ZSWIM4: variants seen among roughly 807,000 people sequenced by gnomAD.
ZSWIM4 encodes the protein zinc finger SWIM-type containing 4.
Under a neutral mutation model 102.5 loss-of-function variants are expected in ZSWIM4, and 62 were observed. That is an observed-to-expected ratio of 0.60 (90% CI 0.49 to 0.75). The LOEUF is 0.75. ZSWIM4 is among the 30% of genes least tolerant of loss of function. ZSWIM4 has a pLI of 0.00. For synonymous variants in ZSWIM4, 652 were observed against 674.5 expected, an observed-to-expected ratio of 0.97 and a Z score of 0.52; for missense variants, 1,280 against 1,529.6, an observed-to-expected ratio of 0.84 and a Z score of 2.72.
intron 7 of ZSWIM4, among the ~76,000 whole-genome samples, chr19:13,815,499 C>A (rs1023720335): frequency 3.1e-5 from 3 of 95,810 alleles, no homozygotes; most frequent in Non-Finnish European, 5.6e-5. Flanking sequence ...GAGATGGAGT[C>A]TCGGTCTTTC....
chr19:13,817,270 A>AC lies in ZSWIM4; in HGVS notation c.1591dup (p.Leu531ProfsTer96). On this transcript the variant is annotated frameshift_variant, in exon 8 of 14. Coordinates refer to ENST00000590508, the MANE Select transcript of ZSWIM4 (RefSeq NM_001367834.3). LOFTEE classifies it high-confidence loss of function. Reference sequence around the variant, plus strand: ...ACCAACACCGAAGGATGGGTGGGGCACCCCCTGGACCCCATTGGCTGCCTC... The same window carrying AC: ...ACCAACACCGAAGGATGGGTGGGGCACCCCCCTGGACCCCATTGGCTGCCTC... 2 of 1,613,686 alleles carry AC rather than the reference A, an allele frequency of 1.2e-6. No homozygotes were observed. Among genetic ancestry groups the AC allele is most frequent in the Non-Finnish European group, 1.7e-6 (2 of 1,179,808 alleles).
At chr19:13,813,920 C>CAAAAA (rs34407290) in intron 6 of ZSWIM4, among the ~76,000 whole-genome samples, 1 of 100,518 alleles carries the variant, frequency 9.9e-6, no homozygotes, top group Non-Finnish European at 2.2e-5. Flanking sequence ...GACCCTGTCT[C>CAAAAA]AAAAAAAAAA....
At position 13,795,815 on chromosome 19, in the gene ZSWIM4, A is replaced by G; in HGVS notation, c.153+14A>G. ...GCCTTCGAGCAGGTGACCGCGGGGG[A>G]AGGGGGCGGGGGCAGGGACGCACCC... On this transcript the variant is annotated intron_variant, in intron 1 of 13. Transcript: ENST00000590508. 1 of 1,241,424 alleles carries G rather than the reference A, an allele frequency of 8.1e-7. No individual in the cohort carries two copies. Among genetic ancestry groups the G allele is most frequent in the Non-Finnish European group, 1.0e-6 (1 of 990,614 alleles). The allele number at this position is 1,241,424 out of a possible 1,614,324, so 76.9% of individuals were successfully genotyped here.
At chr19:13,824,858 C>A (rs1975563680) in intron 11 of ZSWIM4, among the ~76,000 whole-genome samples, 1 of 151,938 alleles carries the variant, frequency 6.6e-6, no homozygotes, top group Admixed American at 6.6e-5. Flanking sequence ...AGGTGGGTTC[C>A]ATTGCCTGAG....
intron 5 of ZSWIM4, among the ~76,000 whole-genome samples, chr19:13,812,469 T>C (rs1975127554): frequency 6.6e-6 from 1 of 151,066 alleles, no homozygotes; most frequent in South Asian, 2.1e-4. Flanking sequence ...TTTTTTTTTT[T>C]TTTTTTTGAG....
At chr19:13,811,878 C>A (rs1203296386) in intron 5 of ZSWIM4, among the ~76,000 whole-genome samples, 1 of 151,978 alleles carries the variant, frequency 6.6e-6, no homozygotes, top group Non-Finnish European at 1.5e-5. Context: ...AGATCGAGAC[C>A]AGCTTGGCCA....
intron 3 of ZSWIM4, 58 bp downstream of exon 3, chr19:13,805,206 C>G: frequency 7.0e-7 from 1 of 1,430,984 alleles, no homozygotes; most frequent in East Asian, 2.3e-5. Flanking sequence ...AGCCACGCCA[C>G]TTGCTGTGTG....
intron 2 of ZSWIM4, among the ~76,000 whole-genome samples, chr19:13,802,211 A>AGTGATC (rs1974790634): frequency 4.3e-5 from 6 of 140,510 alleles, no homozygotes; most frequent in Non-Finnish European, 7.8e-5. Context: ...CTCCTGACCT[A>AGTGATC]GTGATCCGCC....
At chr19:13,823,224 C>A in intron 10 of ZSWIM4, 122 bp from the exon 11 acceptor site, 1 of 953,826 alleles carries the variant, frequency 1.0e-6, no homozygotes, top group Non-Finnish European at 1.6e-6. Context: ...CTTCCATCAT[C>A]TTGGGCTCTC....
intron 10 of ZSWIM4, among the ~76,000 whole-genome samples, chr19:13,819,930 G>A (rs1229053387): frequency 6.6e-6 from 1 of 151,094 alleles, no homozygotes; most frequent in African/African-American, 2.4e-5. Context: ...TCCCAGGGCC[G>A]ATCTCAGCTC....
intron 13 of ZSWIM4, among the ~76,000 whole-genome samples, chr19:13,829,052 C>G (rs369571421): frequency 1.3e-5 from 2 of 151,510 alleles, no homozygotes; most frequent in South Asian, 4.2e-4. Context: ...TACAGTTAGC[C>G]ATGATCATAC....
intron 10 of ZSWIM4, 124 bp downstream of exon 10, chr19:13,819,616 A>C: frequency 1.4e-5 from 15 of 1,041,284 alleles, no homozygotes; most frequent in Non-Finnish European, 1.7e-5. Flanking sequence ...AGTCTCTCTC[A>C]CCCTGGCATT....
Position 13,825,048 on chromosome 19 carries a change from T to TC in ZSWIM4, c.2216-502_2216-501insC, listed in dbSNP as rs74181839. ...TCCCTAGGTGGCTTTTCTTTTCTTTTTTTTTTTTTTGAGATGGATATTACT... is the reference window on the plus strand; with the variant it reads ...TCCCTAGGTGGCTTTTCTTTTCTTTTCTTTTTTTTTTGAGATGGATATTACT... On this transcript the variant is annotated intron_variant, in intron 11 of 13. Coordinates refer to ENST00000590508, the MANE Select transcript of ZSWIM4 (RefSeq NM_001367834.3). This position sits in a 1 kb window ranked among gnomAD's most constrained non-coding sequence, Gnocchi z 4.6. Among the ~76,000 whole-genome samples the TC allele has an allele frequency of 3.1e-4, 45 of 142,952 alleles. 1 individual carries two copies. The highest frequency in any genetic ancestry group is 4.1e-4 in the African/African-American group (15 of 36,442). 93.8% of individuals were successfully genotyped at this position (142,952 alleles called of 152,430 possible).
At chr19:13,821,767 G>A (rs911805596) in intron 10 of ZSWIM4, among the ~76,000 whole-genome samples, 1 of 151,616 alleles carries the variant, frequency 6.6e-6, no homozygotes, top group East Asian at 1.9e-4. Context: ...CGCCCAGGCT[G>A]GAGTGCAGTG....
chr19:13,795,838 C>A, intron 1 of ZSWIM4, 37 bp downstream of exon 1: 2 of 1,192,170 alleles, frequency 1.7e-6, no homozygotes, highest in Non-Finnish European at 2.1e-6. Context: ...CAGGGACGCA[C>A]CCCCAGCACC....
chr19:13,812,364 G>A (rs1405547836), intron 5 of ZSWIM4, among the ~76,000 whole-genome samples: 1 of 151,724 alleles, frequency 6.6e-6, no homozygotes, highest in African/African-American at 2.4e-5. Context: ...TGTGATCTCG[G>A]CTCACTGCAA....
At chr19:13,799,684 A>G (rs1599577238) in intron 1 of ZSWIM4, 36 bp from the exon 2 acceptor site, 1 of 1,607,152 alleles carries the variant, frequency 6.2e-7, no homozygotes. Context: ...GGATTACATC[A>G]ACCCCAGGCT....
intron 12 of ZSWIM4, among the ~76,000 whole-genome samples, chr19:13,827,165 T>C (rs1004624402): frequency 6.6e-6 from 1 of 151,970 alleles, no homozygotes; most frequent in African/African-American, 2.4e-5. Context: ...TGCACCCCTG[T>C]AGTCCCAGCT....
chr19:13,808,740 CAAAAAAAAAAA>C (rs755959483), intron 3 of ZSWIM4, 85 bp from the exon 4 acceptor site: 5 of 834,984 alleles, frequency 6.0e-6, no homozygotes, highest in Admixed American at 4.9e-5. Flanking sequence ...ACTCCGTCTC[CAAAAAAAAAAA>C]AAAAAAAAAA....
Sources: gnomAD v4.1 joint callset for allele counts (sites outside exome capture counted in the v4.1 genomes callset) on GRCh38, gnomAD v4.1.1 for gene constraint, Gnocchi (gnomAD v3.1) non-coding constraint, MANE v1.5 for transcripts, NCBI Gene and HGNC (gene_info 2026-07-23, HGNC 2026-07-21) for gene names.